ADGRL3: variants seen among roughly 807,000 people sequenced by gnomAD.
The protein encoded by ADGRL3 is adhesion G protein-coupled receptor L3.
A neutral mutation model predicts 153.5 loss-of-function variants in ADGRL3; 62 were observed. The ratio of observed to expected loss-of-function variants is 0.40; its 90% CI spans 0.33 to 0.50. The LOEUF (loss-of-function observed/expected upper bound fraction) is 0.50, where lower values mean the gene tolerates loss of function less well. ADGRL3 is among the 20% of genes least tolerant of loss of function. The pLI is 0.47. For synonymous variants in ADGRL3, 710 were observed against 672.5 expected (o/e 1.06, Z -0.86); for missense variants, 1,641 against 1,859.4 (o/e 0.88, Z 2.16).
chr4:61,313,905 C>T (rs907830740), intron 1 of ADGRL3, among the ~76,000 whole-genome samples: 1 of 152,002 alleles, frequency 6.6e-6, no homozygotes, highest in Non-Finnish European at 1.5e-5. Flanking sequence ...ACAACGATGC[C>T]CACACTCACT....
chr4:61,308,761 A>G (rs1157233704), intron 1 of ADGRL3, among the ~76,000 whole-genome samples: 2 of 152,194 alleles, frequency 1.3e-5, no homozygotes, highest in African/African-American at 4.8e-5. Flanking sequence ...AGTCCTGGAG[A>G]TATACCTTGT....
chr4:61,854,559 G>T (rs1314658431), intron 9 of ADGRL3, among the ~76,000 whole-genome samples: 1 of 152,140 alleles, frequency 6.6e-6, no homozygotes, highest in Non-Finnish European at 1.5e-5. Flanking sequence ...AAAAATAAAT[G>T]CATGGGTGAG....
rs1013238711 is a variant in ADGRL3 at position 61,520,775 on chromosome 4, G to A, written c.259+3257G>A. Reference sequence around the variant, plus strand: ...AGTATGGAATTCTAAGGACCCTTGAGTACTAAACCTTAGATACCAGGAAAT... The same window carrying A: ...AGTATGGAATTCTAAGGACCCTTGAATACTAAACCTTAGATACCAGGAAAT... On this transcript the variant is annotated intron_variant, in intron 4 of 26. Coordinates refer to ENST00000683033, the MANE Select transcript of ADGRL3 (RefSeq NM_001387552.1). 2.0e-5 allele frequency among the ~76,000 whole-genome samples: 3 copies of A among 151,612 alleles called. No individual in the cohort carries two copies. The South Asian group carries it at 6.2e-4, about 32-fold the overall frequency.
chr4:61,491,388 TAA>T (rs1292963576), intron 2 of ADGRL3, among the ~76,000 whole-genome samples: 5 of 152,188 alleles, frequency 3.3e-5, no homozygotes, highest in Admixed American at 6.5e-5. Context: ...CTAGTTTTAC[TAA>T]GTTAAATTTC....
chr4:61,522,847 G>T (rs965417806), intron 4 of ADGRL3, among the ~76,000 whole-genome samples: 1 of 152,034 alleles, frequency 6.6e-6, no homozygotes, highest in African/African-American at 2.4e-5. Context: ...TTTACCAGAC[G>T]AACATGCTTG....
At chr4:61,873,375 G>T (rs891583954) in intron 9 of ADGRL3, among the ~76,000 whole-genome samples, 2 of 152,290 alleles carry the variant, frequency 1.3e-5, no homozygotes, top group Non-Finnish European at 1.5e-5. Context: ...ATTCAAGCGT[G>T]CAATTGAGAT....
intron 2 of ADGRL3, among the ~76,000 whole-genome samples, chr4:61,459,829 T>A (rs2097789827): frequency 1.3e-5 from 2 of 152,136 alleles, no homozygotes; most frequent in African/African-American, 4.8e-5. Flanking sequence ...CTTCTTGTAG[T>A]GCAACTGTGC....
intron 19 of ADGRL3, among the ~76,000 whole-genome samples, chr4:61,995,984 G>A (rs542389930): frequency 2.6e-5 from 4 of 152,136 alleles, no homozygotes; most frequent in Middle Eastern, 6.8e-3. Flanking sequence ...TAATGGCTAT[G>A]TGTATGGCTT....
rs545632136 is a variant in ADGRL3, at chr4:61,701,855, T to C, written c.583+24920T>C. ...AATAGAATCATATTTTGGGATATGA[T>C]GAAGATTCTAGAAGAAAAGTCTTGA... On this transcript the variant is annotated intron_variant, in intron 6 of 26. Coordinates refer to ENST00000683033, the MANE Select transcript of ADGRL3 (RefSeq NM_001387552.1). 1.1e-4 allele frequency among the ~76,000 whole-genome samples: 16 copies of C among 152,234 alleles called. No individual in the cohort carries two copies. In the South Asian group the frequency reaches 3.3e-3, roughly 32 times the overall value.
intron 13 of ADGRL3, among the ~76,000 whole-genome samples, chr4:61,917,783 C>T (rs191988016): frequency 2.7e-5 from 4 of 149,796 alleles, no homozygotes; most frequent in East Asian, 1.9e-4. Flanking sequence ...TATGCAGGAG[C>T]GAGCATTTTA....
intron 2 of ADGRL3, among the ~76,000 whole-genome samples, chr4:61,465,443 A>T (rs2097867159): frequency 6.6e-6 from 1 of 152,086 alleles, no homozygotes; most frequent in Non-Finnish European, 1.5e-5. Context: ...CACAATACAC[A>T]GAATTATGTC....
intron 3 of ADGRL3, among the ~76,000 whole-genome samples, chr4:61,509,710 T>C (rs532068110): frequency 1.3e-5 from 2 of 152,312 alleles, no homozygotes; most frequent in Admixed American, 1.3e-4. Context: ...CAATTATAAA[T>C]AGTGCTGCAA....
chr4:61,974,273 T>G (rs747048105), intron 17 of ADGRL3, among the ~76,000 whole-genome samples: 1 of 152,192 alleles, frequency 6.6e-6, no homozygotes, highest in Non-Finnish European at 1.5e-5. Flanking sequence ...CTGGCCACTA[T>G]AGGCATTTTT....
At chr4:61,785,300 T>A (rs2097263994) in intron 8 of ADGRL3, among the ~76,000 whole-genome samples, 1 of 152,200 alleles carries the variant, frequency 6.6e-6, no homozygotes, top group Admixed American at 6.6e-5. Context: ...ATACTTTTTT[T>A]ATTTGGCCAG....
At chr4:61,590,985 G>T (rs186649007) in intron 5 of ADGRL3, among the ~76,000 whole-genome samples, 27 of 152,186 alleles carry the variant, frequency 1.8e-4, no homozygotes, top group African/African-American at 6.5e-4. Context: ...TATATCATAC[G>T]TGTACACCTC....
intron 8 of ADGRL3, among the ~76,000 whole-genome samples, chr4:61,801,329 G>A (rs181685760): frequency 6.6e-6 from 1 of 151,938 alleles, no homozygotes; most frequent in African/African-American, 2.4e-5. Flanking sequence ...GAACATCAAG[G>A]CTATTTGAGC....
intron 8 of ADGRL3, among the ~76,000 whole-genome samples, chr4:61,746,404 AT>A (rs1380294913): frequency 6.6e-6 from 1 of 152,118 alleles, no homozygotes; most frequent in Non-Finnish European, 1.5e-5. Context: ...CAGAATATAC[AT>A]TTTTTTCAGC....
At chr4:61,638,658 C>T (rs2093533949) in intron 5 of ADGRL3, among the ~76,000 whole-genome samples, 1 of 152,042 alleles carries the variant, frequency 6.6e-6, no homozygotes, top group African/African-American at 2.4e-5. Flanking sequence ...CACTGAGTTC[C>T]AGTTTACAAA....
chr4:61,785,233 A>G (rs1442009890), intron 8 of ADGRL3, among the ~76,000 whole-genome samples: 1 of 152,214 alleles, frequency 6.6e-6, no homozygotes, highest in Non-Finnish European at 1.5e-5. Context: ...TAAAAGGAGC[A>G]TGATCAAGTA....
Sources: gnomAD v4.1 joint callset for allele counts (sites outside exome capture counted in the v4.1 genomes callset) on GRCh38, gnomAD v4.1.1 for gene constraint, MANE v1.5 for transcripts, NCBI Gene and HGNC (gene_info 2026-07-23, HGNC 2026-07-21) for gene names.